The following STON1 variants were observed in gnomAD, a reference collection of about 807,000 sequenced individuals.
STON1 encodes stonin 1.
A neutral mutation model predicts 60.9 loss-of-function variants in STON1; 79 were observed. The observed-to-expected ratio is 1.30, with a 90% CI of 1.08 to 1.56. The LOEUF (loss-of-function observed/expected upper bound fraction) is 1.56. STON1 is among the 40% of genes most tolerant of loss of function. The pLI is 0.00. For missense variants in STON1, 1,166 were observed against 858.9 expected (o/e 1.36, Z -4.47); for synonymous variants, 363 against 306.9 (o/e 1.18, Z -1.91).
Position 48,591,846 on chromosome 2 carries a change from C to A in STON1, c.2124C>A (p.Tyr708Ter). ...PQKHVQQRAC[Y>*]NIQVEIEKKW... ...AACATGTTCAGCAGCGAGCTTGCTA[C>A]AACATCCAGGTACATCCCAAAACTT... Residue 708 changes from tyrosine (Y) to a stop codon, truncating the protein, a stop_gained, in exon 3 of 4, where the codon TAC becomes TAA. Transcript: ENST00000404752. LOFTEE classifies it high-confidence loss of function. 1 of 1,614,030 alleles carries A rather than the reference C, an allele frequency of 6.2e-7. No homozygotes were observed. Among genetic ancestry groups the A allele is most frequent in the Non-Finnish European group, 8.5e-7 (1 of 1,179,972 alleles).
At chr2:48,534,417 A>G (rs1187624719) in intron 1 of STON1, among the ~76,000 whole-genome samples, 1 of 152,192 alleles carries the variant, frequency 6.6e-6, no homozygotes, top group African/African-American at 2.4e-5. Context: ...GTCGGTGGCT[A>G]AAGTCTATGC....
At chr2:48,583,715 C>G (rs1674033712) in intron 2 of STON1, among the ~76,000 whole-genome samples, 1 of 149,970 alleles carries the variant, frequency 6.7e-6, no homozygotes, top group Non-Finnish European at 1.5e-5. Flanking sequence ...ATTCATGCAT[C>G]CATCGATCCA....
intron 1 of STON1, among the ~76,000 whole-genome samples, chr2:48,564,308 G>C (rs1672732223): frequency 6.6e-6 from 1 of 151,336 alleles, no homozygotes; most frequent in South Asian, 2.1e-4. Context: ...GTACTAGCAT[G>C]GTTGGGTTCT....
At chr2:48,570,080 A>G (rs2103865696) in intron 1 of STON1, among the ~76,000 whole-genome samples, 1 of 152,340 alleles carries the variant, frequency 6.6e-6, no homozygotes, top group Non-Finnish European at 1.5e-5. Context: ...CATGCCTGTA[A>G]TCCCAGCGCA....
At chr2:48,536,563 A>G (rs1178607461) in intron 1 of STON1, among the ~76,000 whole-genome samples, 1 of 151,868 alleles carries the variant, frequency 6.6e-6, no homozygotes, top group Non-Finnish European at 1.5e-5. Flanking sequence ...AAAAAAAAAA[A>G]AAAAAAAAGT....
At chr2:48,572,977 C>T (rs1235416875) in intron 1 of STON1, among the ~76,000 whole-genome samples, 2 of 152,222 alleles carry the variant, frequency 1.3e-5, no homozygotes, top group African/African-American at 4.8e-5. Context: ...TTTGTGCCCT[C>T]AGGAATGTGT....
intron 1 of STON1, among the ~76,000 whole-genome samples, chr2:48,549,325 C>A (rs1429680941): frequency 6.6e-6 from 1 of 152,202 alleles, no homozygotes; most frequent in African/African-American, 2.4e-5. Context: ...CCGCAGGAGC[C>A]TCCTTTTGTA....
chr2:48,570,599 T>C (rs1165825184), intron 1 of STON1, among the ~76,000 whole-genome samples: 1 of 152,158 alleles, frequency 6.6e-6, no homozygotes. Context: ...TGCAAACCAT[T>C]GTATACTAGA....
Position 48,564,641 on chromosome 2 carries a change from TCTC to T in STON1, c.-47-15943_-47-15941del, listed in dbSNP as rs1450468311. On this transcript the variant is annotated intron_variant, in intron 1 of 3. Transcript: ENST00000404752. ...TTCTCCTTCTCCTTCTCTTTCTCCT[TCTC>T]CTTCTTCTTCTTCTTTCTTATTTCT... is the stretch of plus-strand genomic sequence containing the variant. Among the ~76,000 whole-genome samples, 3 of 121,910 alleles carry T rather than the reference TCTC, an allele frequency of 2.5e-5. 1 individual carries two copies. The highest frequency in any genetic ancestry group is 5.0e-5 in the Non-Finnish European group (3 of 59,406). 80.0% of individuals were successfully genotyped at this position (121,910 alleles called of 152,430 possible). A position where few individuals can be genotyped will look rare whatever the true frequency, so the allele number is the denominator to read the frequency against.
intron 2 of STON1, 64 bp downstream of exon 2, chr2:48,582,627 C>G (rs763234853): frequency 5.2e-5 from 80 of 1,547,448 alleles, no homozygotes; most frequent in Non-Finnish European, 6.8e-5. Flanking sequence ...TACCTTCCTC[C>G]TTGGGTTGAA....
chr2:48,565,429 T>G lies in STON1; in HGVS notation c.-47-15158T>G, dbSNP rs2177489. Among the ~76,000 whole-genome samples, 689 of 151,894 alleles carry G rather than the reference T, an allele frequency of 4.5e-3. 18 individuals are homozygous for G. The highest frequency in any genetic ancestry group is 0.034 in the East Asian group (174 of 5,150). The stretch of plus-strand genomic sequence containing the variant: ...ACCTCATTACCTTCTAATGGCCCCA[T>G]CTCTAAATATCATCACATTGGGATT... On this transcript the variant is annotated intron_variant, in intron 1 of 3. Coordinates refer to ENST00000404752, the MANE Select transcript of STON1 (RefSeq NM_006873.4).
At chr2:48,585,510 A>G (rs1427170023) in intron 2 of STON1, among the ~76,000 whole-genome samples, 1 of 152,004 alleles carries the variant, frequency 6.6e-6, no homozygotes, top group Admixed American at 6.6e-5. Context: ...CGGCCTCCCA[A>G]AGTGCTGGGA....
intron 1 of STON1, among the ~76,000 whole-genome samples, chr2:48,548,497 TTTTTTTTTC>T (rs1028495300): frequency 1.6e-4 from 24 of 152,000 alleles, no homozygotes; most frequent in Admixed American, 2.6e-4. Context: ...CATTTTTCTT[TTTTTTTTTC>T]TTTTTTTTCT....
intron 2 of STON1, among the ~76,000 whole-genome samples, chr2:48,586,088 A>T (rs1197213773): frequency 6.6e-6 from 1 of 152,256 alleles, no homozygotes; most frequent in Admixed American, 6.5e-5. Context: ...AAGCCTGGCC[A>T]GGGTAACCAC....
intron 1 of STON1, among the ~76,000 whole-genome samples, chr2:48,575,114 A>G (rs944187261): frequency 1.8e-4 from 28 of 152,290 alleles, no homozygotes; most frequent in African/African-American, 6.3e-4. Context: ...GTCATGTAGG[A>G]TTTGTCCTTC....
At chr2:48,541,160 G>A (rs1253817691) in intron 1 of STON1, among the ~76,000 whole-genome samples, 1 of 151,440 alleles carries the variant, frequency 6.6e-6, no homozygotes, top group Non-Finnish European at 1.5e-5. Context: ...AGACCAGCCT[G>A]GCCAACATGG....
intron 2 of STON1, among the ~76,000 whole-genome samples, chr2:48,586,271 C>T (rs1030263696): frequency 6.6e-6 from 1 of 152,196 alleles, no homozygotes; most frequent in African/African-American, 2.4e-5. Flanking sequence ...AGGAGTCTCA[C>T]TCATTTACTC....
intron 1 of STON1, among the ~76,000 whole-genome samples, chr2:48,563,745 G>A (rs1157730426): frequency 6.6e-6 from 1 of 151,722 alleles, no homozygotes; most frequent in Non-Finnish European, 1.5e-5. Context: ...TCAGGCTGGA[G>A]TGCAGTGGTG....
rs554062532 is a variant in STON1 at position 48,560,658 on chromosome 2, C to T, written c.-47-19929C>T. Among the ~76,000 whole-genome samples the T allele has an allele frequency of 7.2e-5, 11 of 152,256 alleles. No individual in the cohort carries two copies. The East Asian group carries it at 7.7e-4, about 11-fold the overall frequency. On this transcript the variant is annotated intron_variant, in intron 1 of 3. Transcript: ENST00000404752. The stretch of plus-strand genomic sequence containing the variant: ...GGTAGATAGGGTATGAAGAGGCAGC[C>T]GTTGCTAGGGCTGCCAGAAACCAGT...
Sources: allele counts gnomAD v4.1 joint callset (sites outside exome capture counted in the v4.1 genomes callset), GRCh38; gene constraint gnomAD v4.1.1; transcripts MANE v1.5; gene names NCBI Gene and HGNC (gene_info 2026-07-23, HGNC 2026-07-21).